SLC28A1: variants seen among roughly 807,000 people sequenced by gnomAD.
The protein encoded by SLC28A1 is solute carrier family 28 member 1.
Under a neutral mutation model 74.8 loss-of-function variants are expected in SLC28A1, and 64 were observed. That is an observed-to-expected ratio of 0.86 (90% CI 0.70 to 1.05). The LOEUF (loss-of-function observed/expected upper bound fraction) is 1.05, where lower values mean the gene tolerates loss of function less well. Among genes scored for constraint, SLC28A1 ranks in the 50% least tolerant of loss-of-function variants. The probability of loss-of-function intolerance (pLI) is 0.00; values close to 1 mark genes in which losing one functional copy is unlikely to be tolerated. For missense variants in SLC28A1, 828 were observed against 822.8 expected, an observed-to-expected ratio of 1.01 and a Z score of -0.08; for synonymous variants, 359 against 335.0, an observed-to-expected ratio of 1.07 and a Z score of -0.78.
Position 84,929,025 on chromosome 15 carries a change from C to T in SLC28A1, c.1084-4120C>T, listed in dbSNP as rs78501668. 1.1e-3 allele frequency among the ~76,000 whole-genome samples: 161 copies of T among 152,278 alleles called. 1 individual carries two copies. Among genetic ancestry groups the T allele is most frequent in the East Asian group, 3.5e-3 (18 of 5,178 alleles). ...ATATCTGGATATTTCTAGATCTCCA[C>T]GGTCCAGTACAGTAGCCACCAAACA... On this transcript the variant is annotated intron_variant, in intron 12 of 18. Transcript: ENST00000394573.
At chr15:84,900,394 A>G (rs1966537355) in intron 6 of SLC28A1, among the ~76,000 whole-genome samples, 1 of 131,316 alleles carries the variant, frequency 7.6e-6, no homozygotes, top group African/African-American at 3.1e-5. Context: ...AGAGTGAGAC[A>G]CTGTCTCAAA....
the SLC28A1 span, among the ~76,000 whole-genome samples, chr15:84,954,728 C>G: frequency 6.6e-6 from 1 of 152,142 alleles, no homozygotes; most frequent in Admixed American, 6.5e-5. Context: ...GCCTAGTAAA[C>G]AGGTATATGA....
At chr15:84,943,234 A>T (rs1972913296) in intron 15 of SLC28A1, among the ~76,000 whole-genome samples, 1 of 152,154 alleles carries the variant, frequency 6.6e-6, no homozygotes, top group Non-Finnish European at 1.5e-5. Flanking sequence ...TGAAGGACAG[A>T]TAAGAGAGGG....
intron 15 of SLC28A1, among the ~76,000 whole-genome samples, chr15:84,940,283 T>C (rs1972501633): frequency 6.6e-6 from 1 of 152,128 alleles, no homozygotes. Flanking sequence ...ATAACCCCCA[T>C]ACTGCACCAG....
intron 2 of SLC28A1, 120 bp from the exon 3 acceptor site, chr15:84,887,625 C>T: frequency 1.3e-6 from 2 of 1,542,102 alleles, no homozygotes; most frequent in South Asian, 1.2e-5. Flanking sequence ...CCAGGCAGGG[C>T]TCTGGCTGTG....
chr15:84,925,294 G>A (rs945151559), intron 12 of SLC28A1, among the ~76,000 whole-genome samples: 1 of 152,004 alleles, frequency 6.6e-6, no homozygotes, highest in African/African-American at 2.4e-5. Flanking sequence ...AGCATCACCT[G>A]CGAACTTGTT....
chr15:84,907,930 C>T (rs1967485521), intron 8 of SLC28A1, among the ~76,000 whole-genome samples: 4 of 152,128 alleles, frequency 2.6e-5, no homozygotes, highest in Admixed American at 2.6e-4. Flanking sequence ...GAGGCCTGAA[C>T]AAGAGAAATG....
intron 6 of SLC28A1, among the ~76,000 whole-genome samples, chr15:84,899,749 C>T (rs1966397628): frequency 6.6e-6 from 1 of 151,992 alleles, no homozygotes; most frequent in African/African-American, 2.4e-5. Context: ...ACAAGAAATG[C>T]TAAAGGAGTG....
chr15:84,895,477 G>T lies in SLC28A1; in HGVS notation c.461+354G>T, dbSNP rs370698434. On this transcript the variant is annotated intron_variant, in intron 6 of 18. Transcript: ENST00000394573. ...AGCCGCAGGGACCATCCCTGGAGGG[G>T]GATTCAGCAGGCTCGATCGGGGTCC... is the stretch of plus-strand genomic sequence containing the variant. The T allele has an allele frequency of 3.5e-5, 57 of 1,609,966 alleles. No homozygotes were observed. In the African/African-American group the frequency reaches 5.6e-4, roughly 16 times the overall value.
chr15:84,894,640 C>T (rs1056638894), intron 5 of SLC28A1, among the ~76,000 whole-genome samples: 1 of 152,210 alleles, frequency 6.6e-6, no homozygotes, highest in Non-Finnish European at 1.5e-5. Context: ...TCCACTGATG[C>T]CCAGCGCCTC....
chr15:84,956,949 A>G, the SLC28A1 span, among the ~76,000 whole-genome samples: 3 of 152,298 alleles, frequency 2.0e-5, no homozygotes, highest in Middle Eastern at 3.4e-3. Flanking sequence ...GCATCTCCAT[A>G]TCAGAAATGT....
At chr15:84,961,589 C>T in the SLC28A1 span, 1 of 440,434 alleles carries the variant, frequency 2.3e-6, no homozygotes, top group Non-Finnish European at 4.5e-6. Context: ...GATCCTACTG[C>T]CTTGGCTTCC....
chr15:84,890,852 A>G lies in SLC28A1; in HGVS notation c.277+318A>G, dbSNP rs77213588. Among the ~76,000 whole-genome samples, 1,211 of 152,292 alleles carry G rather than the reference A, an allele frequency of 8.0e-3. 21 individuals are homozygous for G. The highest frequency in any genetic ancestry group is 0.026 in the African/African-American group (1,096 of 41,546). ...AGGTGACATTGGAGTCTCACAGGCT[A>G]AGTAGGAGTTAGCCAGGTGGAGGTG... On this transcript the variant is annotated intron_variant, in intron 5 of 18. Coordinates refer to ENST00000394573, the MANE Select transcript of SLC28A1 (RefSeq NM_004213.5).
intron 5 of SLC28A1, among the ~76,000 whole-genome samples, chr15:84,894,238 G>T (rs1019372875): frequency 2.0e-5 from 3 of 152,028 alleles, no homozygotes; most frequent in African/African-American, 7.2e-5. Flanking sequence ...CAGCCATGGC[G>T]GTGGGCAACT....
intron 15 of SLC28A1, among the ~76,000 whole-genome samples, chr15:84,939,144 A>G (rs1410464898): frequency 6.6e-6 from 1 of 152,094 alleles, no homozygotes; most frequent in Non-Finnish European, 1.5e-5. Flanking sequence ...ACAAAGCAAG[A>G]CCCTGGCTTT....
chr15:84,920,927 GC>G, intron 10 of SLC28A1, 61 bp from the exon 11 acceptor site: 2 of 1,304,586 alleles, frequency 1.5e-6, no homozygotes, highest in South Asian at 1.2e-5. Flanking sequence ...TTCCACTCCA[GC>G]CCCCTCTGAC....
chr15:84,951,485 A>G, the SLC28A1 span, among the ~76,000 whole-genome samples: 2 of 151,288 alleles, frequency 1.3e-5, no homozygotes, highest in South Asian at 4.2e-4. Context: ...GTCTTTGCAG[A>G]GCAAGACTGC....
At chr15:84,923,016 C>T (rs898765323) in intron 11 of SLC28A1, among the ~76,000 whole-genome samples, 1 of 152,208 alleles carries the variant, frequency 6.6e-6, no homozygotes, top group African/African-American at 2.4e-5. Context: ...GGGCTCACTG[C>T]AACCTCCGCC....
chr15:84,931,336 T>A (rs1971246041), intron 12 of SLC28A1, among the ~76,000 whole-genome samples: 1 of 152,044 alleles, frequency 6.6e-6, no homozygotes, highest in Non-Finnish European at 1.5e-5. Context: ...TTTTGCTTTT[T>A]GTTTATTAAA....
Sources: allele counts gnomAD v4.1 joint callset (sites outside exome capture counted in the v4.1 genomes callset), GRCh38; gene constraint gnomAD v4.1.1; transcripts MANE v1.5; gene names NCBI Gene and HGNC (gene_info 2026-07-23, HGNC 2026-07-21).